The following MTMR8 variants were observed in gnomAD, a reference collection of about 807,000 sequenced individuals.
MTMR8 encodes phosphatidylinositol-3,5-bisphosphate 3-phosphatase MTMR8.
MTMR8 carries 65 observed loss-of-function variants against 39.3 expected under a neutral mutation model. The ratio of observed to expected loss-of-function variants is 1.65; its 90% CI spans 1.35 to 2.03. MTMR8 has a LOEUF of 2.03. MTMR8 is among the 30% of genes most tolerant of loss of function. MTMR8 has a pLI of 0.00. For missense variants in MTMR8, 777 were observed against 538.9 expected, an observed-to-expected ratio of 1.44 and a Z score of -4.37; for synonymous variants, 245 against 185.2, an observed-to-expected ratio of 1.32 and a Z score of -2.62.
chrX:64,291,283 G>T (rs1034333885), intron 12 of MTMR8, among the ~76,000 whole-genome samples: 3 of 110,298 alleles, frequency 2.7e-5, no homozygotes, highest in Non-Finnish European at 3.8e-5. Flanking sequence ...CCACAAAACT[G>T]CCCCCAACAT....
chrX:64,384,947 C>A (rs750844292), intron 1 of MTMR8, among the ~76,000 whole-genome samples: 2 of 112,574 alleles, frequency 1.8e-5, no homozygotes, highest in African/African-American at 6.4e-5. Context: ...ATGTGCTTTT[C>A]TTTTCTACCA....
chrX:64,373,958 T>A (rs190282499), intron 1 of MTMR8, among the ~76,000 whole-genome samples: 1 of 111,969 alleles, frequency 8.9e-6, no homozygotes, highest in Non-Finnish European at 1.9e-5. Flanking sequence ...GCCAGATATC[T>A]TGATGTTCAC....
intron 8 of MTMR8, among the ~76,000 whole-genome samples, chrX:64,340,801 A>C (rs989414726): frequency 1.8e-5 from 2 of 111,844 alleles, no homozygotes; most frequent in Non-Finnish European, 3.8e-5. Flanking sequence ...CTAATGATTA[A>C]AGAAATACAA....
chrX:64,376,289 C>T (rs1157561338), intron 1 of MTMR8, among the ~76,000 whole-genome samples: 5 of 112,119 alleles, frequency 4.5e-5, no homozygotes, highest in African/African-American at 9.7e-5. Flanking sequence ...GTTTGGATGG[C>T]TCACAAGAAG....
At chrX:64,337,533 TC>T (rs1923111256) in intron 8 of MTMR8, 140 bp from the exon 9 acceptor site, 1 of 598,844 alleles carries the variant, frequency 1.7e-6, no homozygotes, top group African/African-American at 2.3e-5. Flanking sequence ...AACATTAACA[TC>T]CTCTATGGGG....
chrX:64,292,754 C>G (rs1921443706), intron 12 of MTMR8, among the ~76,000 whole-genome samples: 1 of 111,218 alleles, frequency 9.0e-6, no homozygotes, highest in African/African-American at 3.3e-5. Context: ...GGCTGCCTGA[C>G]TATATATACA....
chrX:64,381,215 T>C (rs938904910), intron 1 of MTMR8, among the ~76,000 whole-genome samples: 3 of 111,699 alleles, frequency 2.7e-5, no homozygotes, highest in African/African-American at 9.8e-5. Flanking sequence ...CCACCAACAG[T>C]GTAAAAGTGT....
chrX:64,359,634 A>T, intron 1 of MTMR8, 107 bp from the exon 2 acceptor site: 1 of 821,874 alleles, frequency 1.2e-6, no homozygotes, highest in Non-Finnish European at 1.7e-6. Flanking sequence ...ACAAAACTCG[A>T]GTCTTTCCAG....
At chrX:64,321,547 G>T (rs1010137672) in intron 12 of MTMR8, among the ~76,000 whole-genome samples, 6 of 111,227 alleles carry the variant, frequency 5.4e-5, no homozygotes, top group Admixed American at 2.8e-4. Flanking sequence ...GAGACAAAAA[G>T]AAAGAAAAAT....
intron 6 of MTMR8, 105 bp from the exon 7 acceptor site, chrX:64,345,282 T>A: frequency 1.2e-6 from 1 of 809,456 alleles, no homozygotes; most frequent in Non-Finnish European, 1.7e-6. Flanking sequence ...CCTACCCAAT[T>A]AAAAAGAAGT....
At chrX:64,335,352 G>A (rs912500662) in intron 10 of MTMR8, among the ~76,000 whole-genome samples, 4 of 111,376 alleles carry the variant, frequency 3.6e-5, no homozygotes, top group Admixed American at 9.5e-5. Flanking sequence ...GGCTGGTCTC[G>A]AACTCCTGAC....
At chrX:64,282,105 C>A (rs993785764) in intron 12 of MTMR8, among the ~76,000 whole-genome samples, 1 of 110,988 alleles carries the variant, frequency 9.0e-6, no homozygotes, top group Non-Finnish European at 1.9e-5. Context: ...AATAGGAACA[C>A]TTTTACACTG....
rs745572282 is a variant in MTMR8 at position 64,356,156 on chromosome X, A to G, written c.310+20T>C. 10 of 1,184,958 alleles carry G rather than the reference A, an allele frequency of 8.4e-6. No individual in the cohort carries two copies. The highest frequency in any genetic ancestry group is 4.5e-6 in the Non-Finnish European group (4 of 880,986). ...GAAAAATATTAAAATGGTTTTAGAT[A>G]AAAATACTATCATAACTACCTGGCT... is the stretch of plus-strand genomic sequence containing the variant. On this transcript the variant is annotated intron_variant, in intron 3 of 13. Transcript: ENST00000374852.
rs183685531 is a variant in MTMR8, at chrX:64,360,483, T to C, written c.25-956A>G. 35 of 167,200 alleles carry C rather than the reference T, an allele frequency of 2.1e-4. No individual in the cohort carries two copies. In the East Asian group the frequency reaches 4.6e-3, roughly 22 times the overall value. The allele number at this position is 167,200 out of a possible 1,213,427, so 13.8% of individuals were successfully genotyped here. A position where few individuals can be genotyped will look rare whatever the true frequency, so the allele number is the denominator to read the frequency against. Reference sequence around the variant, plus strand: ...ATTATATACAGAGTAGGACTCTATATCCAACAAATAGAACATTCAAGACAA... The same window carrying C: ...ATTATATACAGAGTAGGACTCTATACCCAACAAATAGAACATTCAAGACAA... On this transcript the variant is annotated intron_variant, in intron 1 of 13. Transcript: ENST00000374852.
At chrX:64,328,725 A>C (rs764308936) in intron 12 of MTMR8, 47 bp downstream of exon 12, 1 of 1,107,392 alleles carries the variant, frequency 9.0e-7, no homozygotes, top group Admixed American at 3.2e-5. Context: ...GGAAGCTGAG[A>C]CCCTGGGACC....
intron 1 of MTMR8, among the ~76,000 whole-genome samples, chrX:64,369,628 G>C (rs1924075466): frequency 9.0e-6 from 1 of 111,045 alleles, no homozygotes; most frequent in African/African-American, 3.3e-5. Context: ...GGAGGGGGCA[G>C]GGGAAGCGAT....
intron 12 of MTMR8, among the ~76,000 whole-genome samples, chrX:64,319,600 C>T (rs1922572511): frequency 8.9e-6 from 1 of 111,752 alleles, no homozygotes; most frequent in South Asian, 3.7e-4. Context: ...AGGAAGGGAT[C>T]CAGTTTCAGC....
intron 12 of MTMR8, among the ~76,000 whole-genome samples, chrX:64,299,415 T>C (rs1186992234): frequency 1.5e-4 from 16 of 107,949 alleles, no homozygotes; most frequent in African/African-American, 4.1e-4. Context: ...TCTGTGGGAT[T>C]GGTGGTGATA....
At chrX:64,314,366 G>T (rs1922400835) in intron 12 of MTMR8, among the ~76,000 whole-genome samples, 1 of 112,738 alleles carries the variant, frequency 8.9e-6, no homozygotes, top group Non-Finnish European at 1.9e-5. Context: ...CACAGTAGTG[G>T]CGGTGGAGGC....
Sources: allele counts gnomAD v4.1 joint callset (sites outside exome capture counted in the v4.1 genomes callset), GRCh38; gene constraint gnomAD v4.1.1; transcripts MANE v1.5; gene names NCBI Gene and HGNC (gene_info 2026-07-23, HGNC 2026-07-21).